Variants in PADI2 observed in about 807,000 individuals in gnomAD.
The protein encoded by PADI2 is protein-arginine deiminase type-2.
Under a neutral mutation model 81.1 loss-of-function variants are expected in PADI2, and 70 were observed. The observed-to-expected ratio is 0.86, with a 90% CI of 0.71 to 1.05. PADI2 has a LOEUF of 1.05. Among genes scored for constraint, PADI2 ranks in the 50% least tolerant of loss-of-function variants. The pLI is 0.00. For synonymous variants in PADI2, 338 were observed against 358.0 expected, an observed-to-expected ratio of 0.94 and a Z score of 0.63; for missense variants, 853 against 889.9, an observed-to-expected ratio of 0.96 and a Z score of 0.53.
rs1475832232 is a variant in PADI2, at chr1:17,115,369, G to T, written c.92+3911C>A. 6.6e-6 allele frequency among the ~76,000 whole-genome samples: 1 copy of T among 152,226 alleles called. No individual in the cohort carries two copies. The highest frequency in any genetic ancestry group is 1.5e-5 in the Non-Finnish European group (1 of 68,038). ...GTTAAGATCATTCCAGTGTCCTGAA[G>T]CTCCTGCAGACCTCAGGATCTGGAT... On this transcript the variant is annotated intron_variant, in intron 1 of 15. Coordinates refer to ENST00000375486, the MANE Select transcript of PADI2 (RefSeq NM_007365.3). This position sits in a 1 kb window ranked among gnomAD's most constrained non-coding sequence, Gnocchi z 4.1.
At position 17,067,472 on chromosome 1, in the gene PADI2, C is replaced by T. The variant is rs1047282736; in HGVS notation, c.*1572G>A. The T allele has an allele frequency of 2.6e-5, 4 of 152,184 alleles. No homozygotes were observed. The highest frequency in any genetic ancestry group is 7.2e-5 in the African/African-American group (3 of 41,406). 9.4% of individuals were successfully genotyped at this position (152,184 alleles called of 1,614,324 possible). On this transcript the variant is annotated 3_prime_UTR_variant, in exon 16 of 16. Transcript: ENST00000375486. ...GGAAGGGGGCCTGTTTAAAGAAGACCCCCCACCCCCACTGCCCATTTCACC... is the reference window on the plus strand; with the variant it reads ...GGAAGGGGGCCTGTTTAAAGAAGACTCCCCACCCCCACTGCCCATTTCACC...
chr1:17,076,233 G>T (rs555414073), intron 11 of PADI2, among the ~76,000 whole-genome samples: 1 of 151,176 alleles, frequency 6.6e-6, no homozygotes, highest in Non-Finnish European at 1.5e-5. Flanking sequence ...TTTTTCCCCC[G>T]AGATGGAGTC....
At position 17,116,354 on chromosome 1, in the gene PADI2, G is replaced by A. The variant is rs148786909; in HGVS notation, c.92+2926C>T. Among the ~76,000 whole-genome samples the A allele has an allele frequency of 5.7e-3, 873 of 152,258 alleles. 4 individuals carry two copies. The highest frequency in any genetic ancestry group is 0.017 in the African/African-American group (716 of 41,534). ...CTGAGGCCGTTTCGCTCACCTTTGCGACTCAGAAGGAGTGAGGGTCAGGAT... is the reference window on the plus strand; with the variant it reads ...CTGAGGCCGTTTCGCTCACCTTTGCAACTCAGAAGGAGTGAGGGTCAGGAT... On this transcript the variant is annotated intron_variant, in intron 1 of 15. Coordinates refer to ENST00000375486, the MANE Select transcript of PADI2 (RefSeq NM_007365.3).
chr1:17,113,598 G>T lies in PADI2; in HGVS notation c.92+5682C>A, dbSNP rs183821093. ...TGAGATCCCCCAGGTAGGTGTGCCT[G>T]GTGTGGGGCAGAGGGGAGGATCAGG... On this transcript the variant is annotated intron_variant, in intron 1 of 15. Coordinates refer to ENST00000375486, the MANE Select transcript of PADI2 (RefSeq NM_007365.3). Among the ~76,000 whole-genome samples the T allele has an allele frequency of 5.0e-3, 769 of 152,310 alleles. 3 individuals carry two copies. The highest frequency in any genetic ancestry group is 7.0e-3 in the Non-Finnish European group (474 of 68,026).
At chr1:17,100,051 G>GA (rs944199902) in intron 3 of PADI2, among the ~76,000 whole-genome samples, 6 of 152,002 alleles carry the variant, frequency 3.9e-5, no homozygotes, top group Admixed American at 3.9e-4. Flanking sequence ...GGGTTGGGGG[G>GA]GGGCTTGCCT....
chr1:17,074,203 C>G (rs1053993334), intron 13 of PADI2, among the ~76,000 whole-genome samples: 1 of 151,630 alleles, frequency 6.6e-6, no homozygotes, highest in Non-Finnish European at 1.5e-5. Context: ...ACCAGCCTGA[C>G]CAACATGGTG....
chr1:17,093,753 G>A (rs1930796428), intron 4 of PADI2, 69 bp from the exon 5 acceptor site: 6 of 933,138 alleles, frequency 6.4e-6, no homozygotes, highest in Non-Finnish European at 1.0e-5. Flanking sequence ...GGACACTGGA[G>A]AGATAGCCCC....
intron 15 of PADI2, among the ~76,000 whole-genome samples, chr1:17,069,615 CTG>C (rs1325874300): frequency 1.3e-5 from 2 of 151,902 alleles, no homozygotes; most frequent in East Asian, 3.9e-4. Context: ...ATGTGTATTT[CTG>C]TGTGTGCATG....
chr1:17,071,289 C>A, intron 14 of PADI2, 117 bp downstream of exon 14: 4 of 697,868 alleles, frequency 5.7e-6, no homozygotes, highest in Non-Finnish European at 1.0e-5. Context: ...CTGCTGTGCT[C>A]GGGGTCAGGA....
chr1:17,092,563 T>A (rs898433825), intron 5 of PADI2, 30 bp from the exon 6 acceptor site: 1 of 1,541,380 alleles, frequency 6.5e-7, no homozygotes, highest in Non-Finnish European at 8.7e-7. Flanking sequence ...AATGAAGAGA[T>A]CTATCTGTTG....
chr1:17,075,786 A>G lies in PADI2; in HGVS notation c.1348T>C (p.Phe450Leu). 1 of 1,614,020 alleles carries G rather than the reference A, an allele frequency of 6.2e-7. No individual in the cohort carries two copies. The highest frequency in any genetic ancestry group is 8.5e-7 in the Non-Finnish European group (1 of 1,179,958). Residue 450 changes from phenylalanine (F) to leucine (L), a missense_variant, in exon 12 of 16, where the codon TTC (phenylalanine) becomes CTC (leucine). Physicochemically the swap from Phe to Leu is conservative, Grantham distance 22. Transcript: ENST00000375486. ...GRRMTKVVRD[F>L]LKAQQVQAPV... Reference sequence around the variant, plus strand: ...GCCTGCACCTGCTGGGCCTTCAGGAAGTCACGCACCACCTTGGTCATCCTC... The same window carrying G: ...GCCTGCACCTGCTGGGCCTTCAGGAGGTCACGCACCACCTTGGTCATCCTC...
At chr1:17,081,877 C>T (rs968304100) in intron 10 of PADI2, among the ~76,000 whole-genome samples, 1 of 152,140 alleles carries the variant, frequency 6.6e-6, no homozygotes, top group Non-Finnish European at 1.5e-5. Flanking sequence ...CTTTGGGAGG[C>T]CAAGGTAAGT....
chr1:17,101,519 G>A (rs1237233752), intron 3 of PADI2, among the ~76,000 whole-genome samples: 2 of 152,108 alleles, frequency 1.3e-5, no homozygotes, highest in Non-Finnish European at 2.9e-5. Flanking sequence ...AGGAGTCTTT[G>A]TTGATCATCT....
chr1:17,085,154 G>A (rs908833331), intron 7 of PADI2, among the ~76,000 whole-genome samples: 1 of 152,216 alleles, frequency 6.6e-6, no homozygotes, highest in Non-Finnish European at 1.5e-5. Flanking sequence ...GCACCTTGCC[G>A]TTTTCTGTAT....
At chr1:17,101,102 A>G (rs1012244942) in intron 3 of PADI2, among the ~76,000 whole-genome samples, 1 of 152,152 alleles carries the variant, frequency 6.6e-6, no homozygotes, top group East Asian at 1.9e-4. Flanking sequence ...TGGCAGTTAA[A>G]TAAATAATTA....
chr1:17,091,548 C>G (rs1357663710), intron 6 of PADI2, among the ~76,000 whole-genome samples: 1 of 152,050 alleles, frequency 6.6e-6, no homozygotes, highest in Non-Finnish European at 1.5e-5. Flanking sequence ...TCTGCTCTTC[C>G]CACACTCTAA....
In PADI2 at chr1:17,079,383, G is replaced by T. The variant is rs375853897; in HGVS notation, c.1191C>A (p.Pro397=). The T allele has an allele frequency of 2.5e-6, 4 of 1,613,852 alleles. No individual in the cohort carries two copies. In the African/African-American group the frequency reaches 4.0e-5, roughly 16 times the overall value. The change falls in exon 11 of 16, where the codon CCC becomes CCA. Residue 397 remains proline (P), a synonymous_variant. Transcript: ENST00000375486. ...CAAGGCTGGTGACAGACTCAAAGAG[G>T]GGCTCCCGGGTCACGTAGCCAAAAT... ...GPDFGYVTRE[P]LFESVTSLDS...
intron 3 of PADI2, 113 bp downstream of exon 3, chr1:17,102,874 A>G (rs1931196572): frequency 2.7e-6 from 2 of 739,660 alleles, no homozygotes; most frequent in Non-Finnish European, 4.8e-6. Flanking sequence ...ATTCAGAAGA[A>G]GCTCCAAGTG....
chr1:17,083,563 G>C (rs971601412), intron 9 of PADI2, 163 bp downstream of exon 9: 6 of 609,028 alleles, frequency 9.9e-6, no homozygotes, highest in Non-Finnish European at 1.2e-5. Flanking sequence ...CAGCACTGTA[G>C]TGCACTTGTA....
Sources: allele counts gnomAD v4.1 joint callset (sites outside exome capture counted in the v4.1 genomes callset), GRCh38; gene constraint gnomAD v4.1.1; non-coding constraint Gnocchi (gnomAD v3.1); transcripts MANE v1.5; gene names NCBI Gene and HGNC (gene_info 2026-07-23, HGNC 2026-07-21).